TNRC18: variants seen among roughly 807,000 people sequenced by gnomAD.
The protein encoded by TNRC18 is trinucleotide repeat containing 18, also known as trinucleotide repeat-containing gene 18 protein.
A neutral mutation model predicts 226.7 loss-of-function variants in TNRC18; 69 were observed. The observed-to-expected ratio is 0.30, with a 90% CI of 0.25 to 0.37. The LOEUF (loss-of-function observed/expected upper bound fraction) is 0.37. TNRC18 is among the 10% of genes least tolerant of loss of function. The pLI is 1.00. For missense variants in TNRC18, 4,754 were observed against 4,256.6 expected, an observed-to-expected ratio of 1.12 and a Z score of -3.25; for synonymous variants, 2,449 against 1,927.6, an observed-to-expected ratio of 1.27 and a Z score of -7.09.
At chr7:5,345,517 G>GCGCCCC in intron 18 of TNRC18, 45 bp downstream of exon 18, 2 of 377,744 alleles carry the variant, frequency 5.3e-6, no homozygotes, top group South Asian at 4.4e-5. Context: ...AATGGCGTCC[G>GCGCCCC]CCCCTCCCAC....
Position 5,369,387 on chromosome 7 carries a change from G to C in TNRC18, c.4219+988C>G, listed in dbSNP as rs1412329232. ...CAACAACAACAAAGCATGAACCGCA[G>C]TCAGCCCTTGAGAATGAATCTCAGT... On this transcript the variant is annotated intron_variant, in intron 11 of 29. Transcript: ENST00000430969. 3.9e-5 allele frequency among the ~76,000 whole-genome samples: 6 copies of C among 152,290 alleles called. No homozygotes were observed. The East Asian group carries it at 1.2e-3, about 29-fold the overall frequency.
At chr7:5,329,040 T>C (rs938604653) in intron 19 of TNRC18, among the ~76,000 whole-genome samples, 1 of 152,098 alleles carries the variant, frequency 6.6e-6, no homozygotes, top group Non-Finnish European at 1.5e-5. Flanking sequence ...TGGTGGCTCA[T>C]GCCTATAATC....
chr7:5,382,242 C>T (rs1779446682), intron 5 of TNRC18, among the ~76,000 whole-genome samples: 1 of 152,208 alleles, frequency 6.6e-6, no homozygotes, highest in Admixed American at 6.5e-5. Flanking sequence ...TGCTGACCAC[C>T]AACATACACG....
chr7:5,321,032 T>A (rs771771705), intron 22 of TNRC18, 41 bp downstream of exon 22: 14 of 1,412,200 alleles, frequency 9.9e-6, no homozygotes, highest in Non-Finnish European at 1.4e-5. Context: ...GGGGCGGGTA[T>A]GGGACACGGG....
intron 2 of TNRC18, among the ~76,000 whole-genome samples, chr7:5,403,805 A>C (rs975635749): frequency 1.3e-5 from 2 of 151,610 alleles, no homozygotes; most frequent in Non-Finnish European, 2.9e-5. Flanking sequence ...AAAAAAAAAA[A>C]AACTGCATCC....
chr7:5,369,980 T>C (rs192292704), intron 11 of TNRC18, among the ~76,000 whole-genome samples: 1 of 152,030 alleles, frequency 6.6e-6, no homozygotes, highest in African/African-American at 2.4e-5. Context: ...GAATAAACCA[T>C]ATTCCGGGTT....
intron 18 of TNRC18, among the ~76,000 whole-genome samples, chr7:5,333,977 G>A (rs1449108273): frequency 6.6e-6 from 1 of 152,210 alleles, no homozygotes; most frequent in Non-Finnish European, 1.5e-5. Flanking sequence ...CAGAGCTGGT[G>A]TCCAGGAAAA....
rs1786674001 is a variant in TNRC18, at chr7:5,307,592, C to T, written c.*514G>A. 4 of 446,706 alleles carry T rather than the reference C, an allele frequency of 9.0e-6. No individual in the cohort carries two copies. The highest frequency in any genetic ancestry group is 4.5e-6 in the Non-Finnish European group (1 of 222,526). 27.7% of individuals were successfully genotyped at this position (446,706 alleles called of 1,614,324 possible). A position where few individuals can be genotyped will look rare whatever the true frequency, so the allele number is the denominator to read the frequency against. The stretch of plus-strand genomic sequence containing the variant: ...GAGAGGGTGGGGGCAGGGCCCCTGG[C>T]ACAGTCAGGTAGGCCAGCTGGCATC... On this transcript the variant is annotated 3_prime_UTR_variant, in exon 30 of 30. Transcript: ENST00000430969.
chr7:5,322,599 G>C (rs182873321), intron 21 of TNRC18, among the ~76,000 whole-genome samples: 158 of 152,314 alleles, frequency 1.0e-3, no homozygotes, highest in Non-Finnish European at 1.9e-3. Context: ...ACCTACCTCT[G>C]AGACTTTCCA....
At position 5,377,875 on chromosome 7, in the gene TNRC18, G is replaced by A. The variant is rs1162672528; in HGVS notation, c.2255+47C>T. 1 of 1,582,736 alleles carries A rather than the reference G, an allele frequency of 6.3e-7. No homozygotes were observed. Among genetic ancestry groups the A allele is most frequent in the Non-Finnish European group, 8.7e-7 (1 of 1,153,782 alleles). On this transcript the variant is annotated intron_variant, in intron 6 of 29. Transcript: ENST00000430969. This position sits in a 1 kb window ranked among gnomAD's most constrained non-coding sequence, Gnocchi z 5.8. ...CATCCAGCTGCCCCTCACCCCCAGGGGCTCCTAGATACCCCCTAGACCCTC... is the reference window on the plus strand; with the variant it reads ...CATCCAGCTGCCCCTCACCCCCAGGAGCTCCTAGATACCCCCTAGACCCTC...
chr7:5,420,229 G>T (rs994529448), intron 2 of TNRC18: 3 of 357,488 alleles, frequency 8.4e-6, no homozygotes, highest in Non-Finnish European at 1.7e-5. Context: ...AATGGTGGAG[G>T]CCGCGGGACC....
chr7:5,321,832 C>T (rs1377835571), intron 21 of TNRC18, among the ~76,000 whole-genome samples: 30 of 151,564 alleles, frequency 2.0e-4, no homozygotes, highest in Non-Finnish European at 2.8e-4. Flanking sequence ...CCACCAGGCC[C>T]GGCTAATTTT....
At chr7:5,354,342 C>T (rs1562535024) in intron 16 of TNRC18, among the ~76,000 whole-genome samples, 1 of 152,134 alleles carries the variant, frequency 6.6e-6, no homozygotes, top group African/African-American at 2.4e-5. Context: ...CAGCTCCACC[C>T]CATCCACGTC....
At chr7:5,330,432 G>T (rs1215885219) in intron 19 of TNRC18, among the ~76,000 whole-genome samples, 3 of 150,250 alleles carry the variant, frequency 2.0e-5, no homozygotes, top group African/African-American at 4.9e-5. Context: ...TTTTGGTAGA[G>T]GCAGGGTCTT....
rs1330076680 is a variant in TNRC18, at chr7:5,332,810, C to T, written c.5959G>A (p.Glu1987Lys). 1 of 1,508,744 alleles carries T rather than the reference C, an allele frequency of 6.6e-7. No individual in the cohort carries two copies. The highest frequency in any genetic ancestry group is 1.2e-5 in the South Asian group (1 of 81,228). The allele number at this position is 1,508,744 out of a possible 1,614,324, so 93.5% of individuals were successfully genotyped here. A position where few individuals can be genotyped will look rare whatever the true frequency, so the allele number is the denominator to read the frequency against. ...GTCCACAGGTCGTCGTCGCTGGCCTCGGGCCCCGCCTCGAAGCCAGGCTCC... is the reference window on the plus strand; with the variant it reads ...GTCCACAGGTCGTCGTCGCTGGCCTTGGGCCCCGCCTCGAAGCCAGGCTCC... ...PKEPGFEAGP[E>K]ASDDDLWTRR... is the part of the protein sequence containing the mutation. The change falls in exon 19 of 30, where the codon GAG (glutamate) becomes AAG (lysine). Residue 1987 changes from glutamate (E) to lysine (K), a missense_variant. Transcript: ENST00000430969.
At position 5,356,978 on chromosome 7, in the gene TNRC18, G is replaced by C. The variant is rs771458862; in HGVS notation, c.5132C>G (p.Ala1711Gly). The C allele has an allele frequency of 3.9e-6, 6 of 1,552,140 alleles. No individual in the cohort carries two copies. Among genetic ancestry groups the C allele is most frequent in the Non-Finnish European group, 5.2e-6 (6 of 1,147,084 alleles). ...ATGGGCCGACTTGGGCTGGCCTCTGGCCTTGAACCCCACCTCCATCTTCCT... is the reference window on the plus strand; with the variant it reads ...ATGGGCCGACTTGGGCTGGCCTCTGCCCTTGAACCCCACCTCCATCTTCCT... The part of the protein sequence containing the change: ...KTRKMEVGFK[A>G]RGQPKSAHSP... The change falls in exon 16 of 30, where the codon GCC becomes GGC. Residue 1711 changes from alanine (A) to glycine (G), a missense_variant. Transcript: ENST00000430969.
intron 2 of TNRC18, among the ~76,000 whole-genome samples, chr7:5,399,203 G>T (rs1780911184): frequency 6.6e-6 from 1 of 152,088 alleles, no homozygotes; most frequent in Admixed American, 6.6e-5. Flanking sequence ...GCCTCAGGGT[G>T]CCAGGGGGCA....
At chr7:5,365,679 C>T (rs866925539) in intron 11 of TNRC18, among the ~76,000 whole-genome samples, 1 of 152,060 alleles carries the variant, frequency 6.6e-6, no homozygotes, top group Non-Finnish European at 1.5e-5. Context: ...GTCTTAAACT[C>T]CTGGGCACAA....
At chr7:5,418,306 C>T (rs1782317328) in intron 2 of TNRC18, among the ~76,000 whole-genome samples, 2 of 152,188 alleles carry the variant, frequency 1.3e-5, no homozygotes, top group African/African-American at 4.8e-5. Context: ...ACCACCCTTC[C>T]CTGATCCCAA....
Sources: allele counts gnomAD v4.1 joint callset (sites outside exome capture counted in the v4.1 genomes callset), GRCh38; gene constraint gnomAD v4.1.1; non-coding constraint Gnocchi (gnomAD v3.1); transcripts MANE v1.5; gene names NCBI Gene and HGNC (gene_info 2026-07-23, HGNC 2026-07-21).